The following NAALADL2 variants were observed in gnomAD, a reference collection of about 807,000 sequenced individuals.
NAALADL2 encodes N-acetylated alpha-linked acidic dipeptidase like 2.
In NAALADL2, 76 loss-of-function variants were observed where a neutral mutation model predicts 87.2. That is an observed-to-expected ratio of 0.87 (90% CI 0.72 to 1.05). NAALADL2 has a LOEUF of 1.05. Among genes scored for constraint, NAALADL2 ranks in the 50% least tolerant of loss-of-function variants. The pLI is 0.00. For missense variants in NAALADL2, 1,089 were observed against 945.8 expected (o/e 1.15, Z -1.99); for synonymous variants, 354 against 331.0 (o/e 1.07, Z -0.75).
chr3:175,634,846 C>G (rs1474642048), intron 11 of NAALADL2, among the ~76,000 whole-genome samples: 1 of 151,842 alleles, frequency 6.6e-6, no homozygotes, highest in Non-Finnish European at 1.5e-5. Flanking sequence ...TCCGCTATAT[C>G]AAATTATTGT....
intron 1 of NAALADL2, among the ~76,000 whole-genome samples, chr3:175,035,890 A>T (rs1753348965): frequency 6.6e-6 from 1 of 152,170 alleles, no homozygotes; most frequent in Admixed American, 6.5e-5. Context: ...ACCCGATATG[A>T]CTAAATTTTA....
At chr3:175,079,902 T>C (rs1717409613) in intron 1 of NAALADL2, among the ~76,000 whole-genome samples, 1 of 152,208 alleles carries the variant, frequency 6.6e-6, no homozygotes, top group Non-Finnish European at 1.5e-5. Context: ...CTTTAATTTT[T>C]GATTCCTAGC....
At chr3:175,414,690 C>T (rs1467646273) in intron 5 of NAALADL2, among the ~76,000 whole-genome samples, 2 of 152,148 alleles carry the variant, frequency 1.3e-5, no homozygotes, top group Non-Finnish European at 2.9e-5. Flanking sequence ...GTTCCTTCAA[C>T]TCTGGTAACT....
chr3:174,910,165 C>CAT (rs61002031), intron 1 of NAALADL2, among the ~76,000 whole-genome samples: 4,479 of 151,092 alleles, frequency 0.03, 221 homozygotes, highest in African/African-American at 0.095. Flanking sequence ...AGTTTATATA[C>CAT]ATATATATAT....
At chr3:174,942,607 A>G (rs1179270463) in intron 1 of NAALADL2, among the ~76,000 whole-genome samples, 1 of 152,126 alleles carries the variant, frequency 6.6e-6, no homozygotes, top group Non-Finnish European at 1.5e-5. Flanking sequence ...CGTTTTCATG[A>G]ATGATATTCT....
At chr3:174,957,115 C>A (rs959225549) in intron 1 of NAALADL2, among the ~76,000 whole-genome samples, 3 of 151,966 alleles carry the variant, frequency 2.0e-5, no homozygotes, top group East Asian at 1.9e-4. Flanking sequence ...TCAGTTTAGG[C>A]CCCAGAACTG....
chr3:175,495,090 ATAT>A (rs1271299129), intron 9 of NAALADL2, among the ~76,000 whole-genome samples: 2 of 134,050 alleles, frequency 1.5e-5, no homozygotes, highest in African/African-American at 5.4e-5. Flanking sequence ...ATATATATAT[ATAT>A]TTTTTTTTAA....
intron 2 of NAALADL2, among the ~76,000 whole-genome samples, chr3:175,166,361 C>G (rs73043212): frequency 2.0e-5 from 3 of 152,058 alleles, no homozygotes; most frequent in Non-Finnish European, 2.9e-5. Flanking sequence ...CTCTCCATTT[C>G]TTCCCATTCA....
chr3:175,374,974 T>G (rs1187034936), intron 5 of NAALADL2, among the ~76,000 whole-genome samples: 3 of 152,154 alleles, frequency 2.0e-5, no homozygotes, highest in Non-Finnish European at 4.4e-5. Flanking sequence ...GTGTAAGGTG[T>G]GCTTGAAAAT....
chr3:175,258,937 T>C (rs1750548167), intron 4 of NAALADL2, among the ~76,000 whole-genome samples: 1 of 152,202 alleles, frequency 6.6e-6, no homozygotes, highest in African/African-American at 2.4e-5. Context: ...CATAAGCACA[T>C]GTGACAGAGA....
chr3:175,019,629 A>T (rs564694664), intron 1 of NAALADL2, among the ~76,000 whole-genome samples: 4 of 152,018 alleles, frequency 2.6e-5, no homozygotes, highest in Admixed American at 2.6e-4. Context: ...CAGTGATCTA[A>T]TTTCACTTCG....
intron 9 of NAALADL2, among the ~76,000 whole-genome samples, chr3:175,558,350 T>G (rs62288371): frequency 0.13 from 19,692 of 152,088 alleles, 1,376 homozygotes; most frequent in Middle Eastern, 0.17. Flanking sequence ...AGATGGATAG[T>G]TTGTAAATAT....
At chr3:174,537,442 G>A (rs1052846342) in intron 1 of NAALADL2, among the ~76,000 whole-genome samples, 5 of 152,120 alleles carry the variant, frequency 3.3e-5, no homozygotes, top group African/African-American at 1.2e-4. Context: ...TTGAAATAGC[G>A]TTTTAAGCAG....
chr3:174,511,368 A>G (rs772878928), intron 1 of NAALADL2, among the ~76,000 whole-genome samples: 2 of 151,960 alleles, frequency 1.3e-5, no homozygotes, highest in Non-Finnish European at 2.9e-5. Context: ...TTTTAGGACT[A>G]TTATGTTCTC....
intron 10 of NAALADL2, among the ~76,000 whole-genome samples, chr3:175,602,471 G>A (rs114919207): frequency 8.9e-6 from 1 of 112,234 alleles, no homozygotes; most frequent in Non-Finnish European, 2.1e-5. Flanking sequence ...TATATATAGA[G>A]AGAGAGAGAG....
chr3:175,236,741 T>C (rs902682767), intron 3 of NAALADL2, among the ~76,000 whole-genome samples: 1 of 152,162 alleles, frequency 6.6e-6, no homozygotes, highest in Admixed American at 6.5e-5. Context: ...ATTGGGCAAA[T>C]CCACTTTCCT....
At chr3:174,683,633 T>C (rs1428564234) in intron 2 of NAALADL2, among the ~76,000 whole-genome samples, 6 of 6,222 alleles carry the variant, frequency 9.6e-4, no homozygotes, top group Non-Finnish European at 2.6e-4. Context: ...ACTTCTGGTG[T>C]GTGTGTGTGT....
chr3:174,910,648 T>C lies in NAALADL2; in HGVS notation c.43+51198T>C, dbSNP rs555827021. ...GGCAGGATGACGCTCTGTGGAATAGTGGGACGAGCAGTGGGGAGTGAGGGG... is the reference window on the plus strand; with the variant it reads ...GGCAGGATGACGCTCTGTGGAATAGCGGGACGAGCAGTGGGGAGTGAGGGG... On this transcript the variant is annotated intron_variant, in intron 1 of 13. Coordinates refer to ENST00000454872, the MANE Select transcript of NAALADL2 (RefSeq NM_207015.3). Among the ~76,000 whole-genome samples the C allele has an allele frequency of 2.0e-5, 3 of 152,152 alleles. No homozygotes were observed. In the South Asian group the frequency reaches 6.2e-4, roughly 32 times the overall value.
intron 12 of NAALADL2, among the ~76,000 whole-genome samples, chr3:175,739,552 T>C (rs923415184): frequency 2.6e-5 from 4 of 152,178 alleles, no homozygotes; most frequent in Non-Finnish European, 5.9e-5. Context: ...CTGAAGAAAA[T>C]CATTATCTTT....
Sources: gnomAD v4.1 joint callset for allele counts (sites outside exome capture counted in the v4.1 genomes callset) on GRCh38, gnomAD v4.1.1 for gene constraint, MANE v1.5 for transcripts, NCBI Gene and HGNC (gene_info 2026-07-23, HGNC 2026-07-21) for gene names.